RPS6KA5: variants seen among roughly 807,000 people sequenced by gnomAD.
RPS6KA5 encodes the protein ribosomal protein S6 kinase alpha-5.
A neutral mutation model predicts 85.5 loss-of-function variants in RPS6KA5; 27 were observed. The ratio of observed to expected loss-of-function variants is 0.32; its 90% CI spans 0.23 to 0.44. The LOEUF is 0.44. Ranked by LOEUF, RPS6KA5 falls within the 20% of genes least tolerant of loss-of-function variation. The pLI, the probability that RPS6KA5 is intolerant of heterozygous loss-of-function variation, is 1.00. For missense variants in RPS6KA5, 811 were observed against 980.9 expected (o/e 0.83, Z 2.31); for synonymous variants, 334 against 348.2 (o/e 0.96, Z 0.46).
chr14:90,902,945 C>A lies in RPS6KA5; in HGVS notation c.982G>T (p.Ala328Ser). 6.2e-7 allele frequency: 1 copy of A among 1,609,196 alleles called. No individual in the cohort carries two copies. The change falls in exon 9 of 17, where the codon GCC becomes TCC. Residue 328 changes from alanine to serine, a missense_variant. Coordinates refer to ENST00000614987, the MANE Select transcript of RPS6KA5 (RefSeq NM_004755.4). ...FQKINWDDLA[A>S]KKVPAPFKPV... is the part of the protein sequence containing the mutation. ...TTAAATGGTGCAGGCACTTTTTTGGCGGCTAAATCATCCCAATTTATTTTC... is the reference window on the plus strand; with the variant it reads ...TTAAATGGTGCAGGCACTTTTTTGGAGGCTAAATCATCCCAATTTATTTTC...
At chr14:90,902,470 G>A (rs897467333) in intron 9 of RPS6KA5, among the ~76,000 whole-genome samples, 10 of 152,180 alleles carry the variant, frequency 6.6e-5, no homozygotes, top group Non-Finnish European at 1.5e-4. Flanking sequence ...GGGCATCAGA[G>A]TGAGACCCTG....
intron 1 of RPS6KA5, among the ~76,000 whole-genome samples, chr14:91,042,584 A>G (rs1358619633): frequency 6.6e-6 from 1 of 152,178 alleles, no homozygotes. Flanking sequence ...CTTTTTGGAT[A>G]AAGAATTGCC....
chr14:91,031,970 A>C (rs917424234), intron 1 of RPS6KA5, among the ~76,000 whole-genome samples: 1 of 152,166 alleles, frequency 6.6e-6, no homozygotes, highest in African/African-American at 2.4e-5. Flanking sequence ...ATTTATATGG[A>C]TCGTTTTAAT....
At chr14:90,920,150 A>G (rs1206350525) in intron 7 of RPS6KA5, 56 bp downstream of exon 7, 1 of 1,099,654 alleles carries the variant, frequency 9.1e-7, no homozygotes, top group Non-Finnish European at 1.4e-6. Context: ...AACCGCAGAA[A>G]TGTGATCAGT....
intron 12 of RPS6KA5, among the ~76,000 whole-genome samples, chr14:90,896,522 T>C (rs540177374): frequency 2.6e-5 from 4 of 152,174 alleles, no homozygotes; most frequent in African/African-American, 9.6e-5. Flanking sequence ...ATTAAGGAGC[T>C]TGAGATGTGA....
chr14:91,060,630 C>A lies in RPS6KA5; in HGVS notation c.-196G>T, dbSNP rs992372576. On this transcript the variant is annotated 5_prime_UTR_variant, in exon 1 of 17. Transcript: ENST00000614987. The stretch of plus-strand genomic sequence containing the variant: ...CGCCTCCTCCCCCTTCGGCGGGCAC[C>A]GCTAGTACCGCGCAACCAAACCGCC... The A allele has an allele frequency of 2.9e-6, 2 of 683,166 alleles. No individual in the cohort carries two copies. Among genetic ancestry groups the A allele is most frequent in the Admixed American group, 4.5e-5 (1 of 22,370 alleles). The allele number at this position is 683,166 out of a possible 1,614,324, so 42.3% of individuals were successfully genotyped here.
rs193052176 is a variant in RPS6KA5, at chr14:90,862,948, A to G, written c.*9126T>C. 268 of 151,936 alleles carry G rather than the reference A, an allele frequency of 1.8e-3. No individual in the cohort carries two copies. The highest frequency in any genetic ancestry group is 6.1e-3 in the African/African-American group (250 of 41,188). 9.4% of individuals were successfully genotyped at this position (151,936 alleles called of 1,614,324 possible). On this transcript the variant is annotated 3_prime_UTR_variant, in exon 17 of 17. Coordinates refer to ENST00000614987, the MANE Select transcript of RPS6KA5 (RefSeq NM_004755.4). ...CAGAGGCAGAAAAAGCATTTAGTAA[A>G]AACTCTCTGAAAATTAGAAATAAAA...
At chr14:91,060,020 G>C (rs1295578789) in intron 1 of RPS6KA5, 1 of 984,760 alleles carries the variant, frequency 1.0e-6, no homozygotes, top group Non-Finnish European at 1.2e-6. Flanking sequence ...TGTGTCACCT[G>C]TGCGGGAAGG....
chr14:90,905,917 C>G (rs1030881994), intron 8 of RPS6KA5, among the ~76,000 whole-genome samples: 9 of 152,040 alleles, frequency 5.9e-5, no homozygotes, highest in African/African-American at 2.2e-4. Context: ...CCTCCCCACT[C>G]CCACTCCATT....
intron 2 of RPS6KA5, among the ~76,000 whole-genome samples, chr14:90,985,899 T>C (rs1445501506): frequency 1.3e-5 from 2 of 152,172 alleles, no homozygotes; most frequent in East Asian, 1.9e-4. Context: ...GAAATGTGCA[T>C]GCCAAAGAGA....
intron 1 of RPS6KA5, 120 bp from the exon 2 acceptor site, chr14:91,001,279 C>T (rs1481248527): frequency 6.5e-6 from 4 of 619,610 alleles, no homozygotes; most frequent in East Asian, 5.6e-5. Flanking sequence ...CCAGGGTTTG[C>T]TTTATAATTA....
intron 1 of RPS6KA5, among the ~76,000 whole-genome samples, chr14:91,022,795 G>A (rs2041836353): frequency 6.6e-6 from 1 of 152,036 alleles, no homozygotes; most frequent in African/African-American, 2.4e-5. Context: ...TTTAAGATTT[G>A]TGTACTACTG....
Position 90,943,068 on chromosome 14 carries a change from A to T in RPS6KA5, c.618+10T>A, listed in dbSNP as rs201472771. 7.5e-6 allele frequency: 11 copies of T among 1,475,244 alleles called. 1 individual carries two copies. In the East Asian group the frequency reaches 2.5e-4, roughly 33 times the overall value. 91.4% of individuals were successfully genotyped at this position (1,475,244 alleles called of 1,614,324 possible). A position where few individuals can be genotyped will look rare whatever the true frequency, so the allele number is the denominator to read the frequency against. On this transcript the variant is annotated intron_variant, in intron 5 of 16. Transcript: ENST00000614987. ...CTGTTATTACTAACTTCAAATTAAA[A>T]TATACTCACTTCATCAGCCACAAAC... is the stretch of plus-strand genomic sequence containing the variant.
chr14:90,976,522 T>C (rs2039576866), intron 3 of RPS6KA5, among the ~76,000 whole-genome samples: 1 of 152,182 alleles, frequency 6.6e-6, no homozygotes, highest in Non-Finnish European at 1.5e-5. Context: ...TGAATTTCTG[T>C]GTGTTCATTT....
chr14:90,907,171 T>C (rs1389232366), intron 7 of RPS6KA5, among the ~76,000 whole-genome samples: 1 of 152,200 alleles, frequency 6.6e-6, no homozygotes, highest in African/African-American at 2.4e-5. Flanking sequence ...TGAAGACAGT[T>C]ACTCCATTAA....
intron 13 of RPS6KA5, among the ~76,000 whole-genome samples, chr14:90,891,448 T>C (rs747591663): frequency 2.6e-5 from 4 of 152,090 alleles, no homozygotes; most frequent in Non-Finnish European, 4.4e-5. Context: ...ATTTATCACA[T>C]GCTTAATACT....
chr14:90,974,588 T>C (rs2039476676), intron 3 of RPS6KA5, among the ~76,000 whole-genome samples: 1 of 152,212 alleles, frequency 6.6e-6, no homozygotes, highest in East Asian at 1.9e-4. Flanking sequence ...ACTTTTGCCC[T>C]CTTGGCAGTA....
intron 2 of RPS6KA5, among the ~76,000 whole-genome samples, chr14:90,981,504 T>C (rs961867464): frequency 6.6e-6 from 1 of 152,210 alleles, no homozygotes; most frequent in African/African-American, 2.4e-5. Flanking sequence ...TCAATATATA[T>C]GATCAAATAA....
In RPS6KA5 at chr14:90,854,538, A is replaced by G. The variant is rs560530994; in HGVS notation, c.*17536T>C. The G allele has an allele frequency of 6.6e-5, 10 of 152,310 alleles. No individual in the cohort carries two copies. The East Asian group carries it at 1.7e-3, about 26-fold the overall frequency. 9.4% of individuals were successfully genotyped at this position (152,310 alleles called of 1,614,324 possible). ...AAAAAGTTTTCTGGATGTGTATATGAGCAGGGTTTGATTATTCTGACATCA... is the reference window on the plus strand; with the variant it reads ...AAAAAGTTTTCTGGATGTGTATATGGGCAGGGTTTGATTATTCTGACATCA... On this transcript the variant is annotated 3_prime_UTR_variant, in exon 17 of 17. Transcript: ENST00000614987.
Sources: allele counts gnomAD v4.1 joint callset (sites outside exome capture counted in the v4.1 genomes callset), GRCh38; gene constraint gnomAD v4.1.1; transcripts MANE v1.5; gene names NCBI Gene and HGNC (gene_info 2026-07-23, HGNC 2026-07-21).